Variants in MAPK10 observed in about 807,000 individuals in gnomAD.
The protein encoded by MAPK10 is JNK3 alpha protein kinase.
Under a neutral mutation model 59.3 loss-of-function variants are expected in MAPK10, and 25 were observed. The ratio of observed to expected loss-of-function variants is 0.42; its 90% CI spans 0.31 to 0.59. MAPK10 has a LOEUF of 0.59. Among genes scored for constraint, MAPK10 ranks in the 20% least tolerant of loss-of-function variants. The pLI, the probability that MAPK10 is intolerant of heterozygous loss-of-function variation, is 0.15. For synonymous variants in MAPK10, 190 were observed against 200.5 expected, an observed-to-expected ratio of 0.95 and a Z score of 0.44; for missense variants, 351 against 568.9, an observed-to-expected ratio of 0.62 and a Z score of 3.90.
Position 86,378,852 on chromosome 4 carries a change from A to G in MAPK10, c.-121-24208T>C, listed in dbSNP as rs181355545. Among the ~76,000 whole-genome samples the G allele has an allele frequency of 6.4e-3, 982 of 152,310 alleles. 8 individuals carry two copies. Among genetic ancestry groups the G allele is most frequent in the African/African-American group, 0.021 (880 of 41,562 alleles). The stretch of plus-strand genomic sequence containing the variant: ...GGCAGGCTTTAAACATGTTCCATGA[A>G]TTGCTACAGGCAATATACAAACTGT... On this transcript the variant is annotated intron_variant, in intron 1 of 13. Transcript: ENST00000361569.
At chr4:86,379,698 T>C (rs1564765506) in intron 1 of MAPK10, among the ~76,000 whole-genome samples, 1 of 152,240 alleles carries the variant, frequency 6.6e-6, no homozygotes, top group East Asian at 1.9e-4. Context: ...CCCATTCCTT[T>C]GTTTCCTGTA....
chr4:86,524,862 C>A (rs1461099431), intron 1 of MAPK10, among the ~76,000 whole-genome samples: 1 of 151,724 alleles, frequency 6.6e-6, no homozygotes, highest in African/African-American at 2.4e-5. Context: ...AAAAAAAAGC[C>A]CGCAATGACT....
chr4:86,470,121 C>T (rs1752543468), intron 1 of MAPK10, among the ~76,000 whole-genome samples: 1 of 152,146 alleles, frequency 6.6e-6, no homozygotes, highest in Non-Finnish European at 1.5e-5. Context: ...CCATGAAAGT[C>T]ACAAAAGGGG....
chr4:86,204,882 C>G (rs1220731929), intron 2 of MAPK10, among the ~76,000 whole-genome samples: 1 of 151,890 alleles, frequency 6.6e-6, no homozygotes, highest in African/African-American at 2.4e-5. Flanking sequence ...TTGTAGCACT[C>G]TCAGATATTT....
intron 1 of MAPK10, among the ~76,000 whole-genome samples, chr4:86,563,716 G>C (rs1254021893): frequency 1.3e-5 from 2 of 152,128 alleles, no homozygotes; most frequent in Admixed American, 6.5e-5. Context: ...TAACTAATGG[G>C]AGGGTAATAT....
intron 9 of MAPK10, chr4:86,080,671 C>T (rs531765854): frequency 1.3e-5 from 2 of 151,990 alleles, no homozygotes; most frequent in Non-Finnish European, 1.5e-5. Context: ...AACAAACTAC[C>T]TTTATGCAAA....
chr4:86,554,754 C>T (rs567071773), intron 1 of MAPK10, among the ~76,000 whole-genome samples: 38 of 152,286 alleles, frequency 2.5e-4, no homozygotes, highest in African/African-American at 8.7e-4. Context: ...ATTACACCCT[C>T]CCCTTTATTT....
intron 1 of MAPK10, among the ~76,000 whole-genome samples, chr4:86,420,124 T>C (rs889726192): frequency 6.6e-6 from 1 of 152,200 alleles, no homozygotes; most frequent in Non-Finnish European, 1.5e-5. Context: ...GCAATTCTAA[T>C]AAATATGTGA....
At position 86,068,172 on chromosome 4, in the gene MAPK10, A is replaced by G. The variant is rs113764361; in HGVS notation, c.803-217T>C. ...ACTTATATACTTTTGGAAAACTAGC[A>G]ATTATTTAACAAAATAAGATATCAT... On this transcript the variant is annotated intron_variant, in intron 9 of 13. Transcript: ENST00000641462. 1.3e-3 allele frequency among the ~76,000 whole-genome samples: 201 copies of G among 152,346 alleles called. 1 individual carries two copies. Among genetic ancestry groups the G allele is most frequent in the African/African-American group, 4.6e-3 (192 of 41,592 alleles).
chr4:86,146,725 T>G (rs1017179554), intron 4 of MAPK10, among the ~76,000 whole-genome samples: 1 of 152,198 alleles, frequency 6.6e-6, no homozygotes, highest in Admixed American at 6.5e-5. Flanking sequence ...CCTATCTACT[T>G]CCACCTCCAC....
intron 2 of MAPK10, among the ~76,000 whole-genome samples, chr4:86,249,808 G>A (rs2093323537): frequency 6.6e-6 from 1 of 152,100 alleles, no homozygotes; most frequent in Non-Finnish European, 1.5e-5. Context: ...GCCCCCTAAT[G>A]ACAACTGCAG....
Position 86,371,831 on chromosome 4 carries a change from T to C in MAPK10, c.-121-17187A>G, listed in dbSNP as rs532337884. On this transcript the variant is annotated intron_variant, in intron 1 of 13. Transcript: ENST00000361569. ...GAAGCCATAAGAGAACAAGAGAACA[T>C]GCCATGAGGAACGGTGCATTCCAGC... Among the ~76,000 whole-genome samples the C allele has an allele frequency of 7.8e-4, 118 of 152,240 alleles. 1 individual carries two copies. Among genetic ancestry groups the C allele is most frequent in the African/African-American group, 2.6e-3 (109 of 41,548 alleles).
intron 3 of MAPK10, among the ~76,000 whole-genome samples, chr4:86,170,720 G>A (rs866262319): frequency 9.9e-5 from 15 of 151,790 alleles, no homozygotes; most frequent in East Asian, 5.8e-4. Flanking sequence ...TGCACCAAGC[G>A]GACCTAATAG....
chr4:86,094,562 G>A (rs1471492287), intron 9 of MAPK10, among the ~76,000 whole-genome samples: 1 of 151,862 alleles, frequency 6.6e-6, no homozygotes, highest in Admixed American at 6.6e-5. Flanking sequence ...GAAAAAATAA[G>A]GTTGAAGAAT....
At chr4:86,245,663 T>C (rs2093039666) in intron 2 of MAPK10, among the ~76,000 whole-genome samples, 1 of 152,194 alleles carries the variant, frequency 6.6e-6, no homozygotes, top group South Asian at 2.1e-4. Context: ...AAGGAGAACA[T>C]ATCTCTATCT....
At chr4:86,163,934 C>T (rs956237762) in intron 3 of MAPK10, among the ~76,000 whole-genome samples, 2 of 152,012 alleles carry the variant, frequency 1.3e-5, no homozygotes, top group African/African-American at 4.8e-5. Context: ...GAAAAATGTC[C>T]CACATTATTG....
intron 9 of MAPK10, among the ~76,000 whole-genome samples, chr4:86,077,882 T>C (rs998641063): frequency 1.7e-4 from 26 of 152,350 alleles, no homozygotes; most frequent in African/African-American, 5.5e-4. Flanking sequence ...TGTGGCTTTA[T>C]ATTAGCTTCG....
chr4:86,054,361 A>G (rs72662012), intron 11 of MAPK10, among the ~76,000 whole-genome samples: 5,413 of 152,296 alleles, frequency 0.036, 138 homozygotes, highest in Middle Eastern at 0.075. Context: ...CCAACATAAT[A>G]CATGGCATCA....
At chr4:86,480,636 C>G (rs1422519956) in intron 1 of MAPK10, among the ~76,000 whole-genome samples, 1 of 152,148 alleles carries the variant, frequency 6.6e-6, no homozygotes, top group East Asian at 1.9e-4. Flanking sequence ...TAGCCAAGGA[C>G]TTTAACATTC....
Sources: allele counts gnomAD v4.1 joint callset (sites outside exome capture counted in the v4.1 genomes callset), GRCh38; gene constraint gnomAD v4.1.1; transcripts MANE v1.5; gene names NCBI Gene and HGNC (gene_info 2026-07-23, HGNC 2026-07-21).